AOX1: variants seen among roughly 807,000 people sequenced by gnomAD.
The protein encoded by AOX1 is aldehyde oxidase.
AOX1 carries 153 observed loss-of-function variants against 169.5 expected under a neutral mutation model. The observed-to-expected ratio is 0.90, with a 90% CI of 0.79 to 1.03. The LOEUF (loss-of-function observed/expected upper bound fraction) is 1.03, where lower values mean the gene tolerates loss of function less well. AOX1 is among the 50% of genes least tolerant of loss of function. The pLI, the probability that AOX1 is intolerant of heterozygous loss-of-function variation, is 0.00. For missense variants in AOX1, 1,656 were observed against 1,663.9 expected, an observed-to-expected ratio of 1.00 and a Z score of 0.08; for synonymous variants, 562 against 581.9, an observed-to-expected ratio of 0.97 and a Z score of 0.49.
At chr2:200,659,972 T>A in intron 28 of AOX1, 23 bp from the exon 29 acceptor site, 1 of 1,590,546 alleles carries the variant, frequency 6.3e-7, no homozygotes, top group Non-Finnish European at 8.6e-7. Flanking sequence ...GGAGCATAAT[T>A]TTAATTTAAA....
chr2:200,648,843 G>A (rs1297777000), intron 25 of AOX1, among the ~76,000 whole-genome samples: 1 of 152,012 alleles, frequency 6.6e-6, no homozygotes, highest in Non-Finnish European at 1.5e-5. Context: ...CCTCTGCTGA[G>A]TCATGCAGGT....
chr2:200,623,813 G>A, intron 18 of AOX1, 48 bp from the exon 19 acceptor site: 1 of 1,611,214 alleles, frequency 6.2e-7, no homozygotes, highest in Non-Finnish European at 8.5e-7. Flanking sequence ...TAAAAGAGAG[G>A]ACCTGATGCC....
intron 28 of AOX1, 101 bp from the exon 29 acceptor site, chr2:200,659,894 C>T (rs941300755): frequency 1.1e-6 from 1 of 898,984 alleles, no homozygotes; most frequent in African/African-American, 1.7e-5. Context: ...TTTCCATGTT[C>T]CCTCTTAGAT....
chr2:200,678,788 CTG>C (rs1206194567), downstream of AOX1, among the ~76,000 whole-genome samples: 9 of 150,416 alleles, frequency 6.0e-5, no homozygotes, highest in Non-Finnish European at 4.4e-5. Flanking sequence ...CATTTTCCTT[CTG>C]TCATGCATCA....
chr2:200,589,301 TA>T (rs2034120095), intron 1 of AOX1, among the ~76,000 whole-genome samples: 1 of 152,174 alleles, frequency 6.6e-6, no homozygotes, highest in Non-Finnish European at 1.5e-5. Context: ...ATGACCCATT[TA>T]ACATGGAGTT....
In AOX1 at chr2:200,591,949, G is replaced by A. The variant is rs1354596579; in HGVS notation, c.46-1197G>A. ...TTGGAAGCCCAAGTGGAAGAACTTG[G>A]TGACACTGATTGTGGTGGATTGGAA... On this transcript the variant is annotated intron_variant, in intron 1 of 34. Coordinates refer to ENST00000374700, the MANE Select transcript of AOX1 (RefSeq NM_001159.4). 3.3e-5 allele frequency among the ~76,000 whole-genome samples: 5 copies of A among 152,070 alleles called. No homozygotes were observed. The East Asian group carries it at 5.8e-4, about 18-fold the overall frequency.
rs150771380 is a variant in AOX1 at position 200,613,814 on chromosome 2, G to A, written c.1459G>A (p.Glu487Lys). 2.6e-5 allele frequency: 42 copies of A among 1,611,984 alleles called. No individual in the cohort carries two copies. Among genetic ancestry groups the A allele is most frequent in the East Asian group, 8.9e-5 (4 of 44,858 alleles). ...CTTTGGACTTTCCAGGCACTGGAACGAACAGATGCTGGATATAGCCTGCAG... is the reference window on the plus strand; with the variant it reads ...CTTTGGACTTTCCAGGCACTGGAACAAACAGATGCTGGATATAGCCTGCAG... ...CQKLIGRHWNEQMLDIACRLI... is the reference protein window; with the variant it reads ...CQKLIGRHWNKQMLDIACRLI... Residue 487 changes from glutamate to lysine, a missense_variant, in exon 15 of 35, where the codon GAA becomes AAA. By Grantham distance (56) the Glu-to-Lys change is moderately conservative. Coordinates refer to ENST00000374700, the MANE Select transcript of AOX1 (RefSeq NM_001159.4).
chr2:200,658,758 G>T (rs556263630), intron 27 of AOX1, among the ~76,000 whole-genome samples: 1 of 152,286 alleles, frequency 6.6e-6, no homozygotes, highest in South Asian at 2.1e-4. Context: ...TTTCCCTGGG[G>T]CAACTCCAGA....
intron 23 of AOX1, among the ~76,000 whole-genome samples, chr2:200,639,759 G>T (rs1426565151): frequency 6.6e-6 from 1 of 152,162 alleles, no homozygotes; most frequent in African/African-American, 2.4e-5. Flanking sequence ...TGGAGGCCAG[G>T]CACGGTGGCT....
Position 200,669,725 on chromosome 2 carries a change from G to A in AOX1, c.3949G>A (p.Asp1317Asn). 6.2e-7 allele frequency: 1 copy of A among 1,610,900 alleles called. No homozygotes were observed. The change falls in exon 34 of 35, where the codon GAC (aspartate) becomes AAC (asparagine). Residue 1317 changes from aspartate (D) to asparagine (N), a missense_variant. Coordinates refer to ENST00000374700, the MANE Select transcript of AOX1 (RefSeq NM_001159.4). ...TPEKIRMACE[D>N]KFTKMIPRDE... ...GGAGAAGATTAGGATGGCCTGTGAA[G>A]ACAAGTTCACAAAAATGGTACGTTT... is the stretch of plus-strand genomic sequence containing the variant.
At chr2:200,668,971 A>T (rs1439566557) in intron 33 of AOX1, among the ~76,000 whole-genome samples, 168 bp downstream of exon 33, 1 of 152,240 alleles carries the variant, frequency 6.6e-6, no homozygotes, top group African/African-American at 2.4e-5. Context: ...AATTTTTAGT[A>T]TTCCAAATCT....
Position 200,609,307 on chromosome 2 carries a change from A to G in AOX1, c.1060-14A>G. On this transcript the variant is annotated splice_polypyrimidine_tract_variant and intron_variant, in intron 11 of 34. Coordinates refer to ENST00000374700, the MANE Select transcript of AOX1 (RefSeq NM_001159.4). ...ATGATTACATAAATGAAAATAACTCATTATTTTTAAAAGTCTTTAGGGGGA... is the reference window on the plus strand; with the variant it reads ...ATGATTACATAAATGAAAATAACTCGTTATTTTTAAAAGTCTTTAGGGGGA... 6.2e-7 allele frequency: 1 copy of G among 1,607,612 alleles called. No individual in the cohort carries two copies. Among genetic ancestry groups the G allele is most frequent in the Non-Finnish European group, 8.5e-7 (1 of 1,174,344 alleles).
intron 28 of AOX1, among the ~76,000 whole-genome samples, chr2:200,659,581 C>T (rs1047412325): frequency 6.6e-6 from 1 of 152,156 alleles, no homozygotes; most frequent in Non-Finnish European, 1.5e-5. Flanking sequence ...GACAGGCTCG[C>T]GCCTCTCCCC....
At chr2:200,597,359 A>G (rs1228419481) in intron 3 of AOX1, 38 bp from the exon 4 acceptor site, 7 of 1,494,682 alleles carry the variant, frequency 4.7e-6, no homozygotes, top group Non-Finnish European at 4.6e-6. Context: ...TGTATGCGAC[A>G]TAATTTGTAA....
chr2:200,654,505 CT>C (rs2035645122), intron 26 of AOX1, among the ~76,000 whole-genome samples: 1 of 152,166 alleles, frequency 6.6e-6, no homozygotes, highest in Non-Finnish European at 1.5e-5. Flanking sequence ...GTGTGATTTG[CT>C]TTATTGCTGT....
chr2:200,679,853 G>A (rs2036138356), downstream of AOX1, among the ~76,000 whole-genome samples: 1 of 152,156 alleles, frequency 6.6e-6, no homozygotes, highest in African/African-American at 2.4e-5. Context: ...AGGCCGAGGT[G>A]GGAGGATCGC....
chr2:200,664,812 A>C (rs2035896472), intron 31 of AOX1, among the ~76,000 whole-genome samples: 1 of 152,210 alleles, frequency 6.6e-6, no homozygotes, highest in African/African-American at 2.4e-5. Context: ...AATATCAGTT[A>C]CCTGTTCTGT....
downstream of AOX1, among the ~76,000 whole-genome samples, chr2:200,672,093 A>C (rs548119499): frequency 1.3e-5 from 2 of 152,372 alleles, no homozygotes; most frequent in African/African-American, 4.8e-5. Flanking sequence ...TGTCCAGAAC[A>C]GGCAAATTCA....
intron 30 of AOX1, among the ~76,000 whole-genome samples, chr2:200,662,197 T>C (rs183227523): frequency 1.3e-5 from 2 of 152,328 alleles, no homozygotes; most frequent in East Asian, 3.9e-4. Flanking sequence ...ACTTTGCCAT[T>C]GGTGCGGGAC....
Sources: allele counts gnomAD v4.1 joint callset (sites outside exome capture counted in the v4.1 genomes callset), GRCh38; gene constraint gnomAD v4.1.1; transcripts MANE v1.5; gene names NCBI Gene and HGNC (gene_info 2026-07-23, HGNC 2026-07-21).